Variants in RGS5 observed in about 807,000 individuals in gnomAD.
The protein encoded by RGS5 is regulator of G-protein signalling 5.
A neutral mutation model predicts 18.9 loss-of-function variants in RGS5; 20 were observed. That is an observed-to-expected ratio of 1.06 (90% CI 0.74 to 1.54). The LOEUF (loss-of-function observed/expected upper bound fraction) is 1.54, where lower values mean the gene tolerates loss of function less well. RGS5 is among the 40% of genes most tolerant of loss of function. The probability of loss-of-function intolerance (pLI) is 0.00; values close to 1 mark genes in which losing one functional copy is unlikely to be tolerated. For missense variants in RGS5, 201 were observed against 211.8 expected, an observed-to-expected ratio of 0.95 and a Z score of 0.32; for synonymous variants, 57 against 76.2, an observed-to-expected ratio of 0.75 and a Z score of 1.31.
At chr1:163,214,721 ATTTCTT>A (rs1433924703) in intron 1 of RGS5, among the ~76,000 whole-genome samples, 2 of 151,716 alleles carry the variant, frequency 1.3e-5, no homozygotes, top group Admixed American at 1.3e-4. Flanking sequence ...TACTATTCAC[ATTTCTT>A]TTTCTTTAAT....
intron 2 of RGS5, among the ~76,000 whole-genome samples, chr1:163,281,434 T>A (rs951210823): frequency 1.8e-4 from 27 of 152,214 alleles, no homozygotes; most frequent in African/African-American, 6.0e-4. Context: ...AGGAGCTGCA[T>A]ATCACATAGC....
At chr1:163,240,090 T>C (rs1433907141) in intron 2 of RGS5, among the ~76,000 whole-genome samples, 1 of 151,908 alleles carries the variant, frequency 6.6e-6, no homozygotes, top group Non-Finnish European at 1.5e-5. Flanking sequence ...ACACCTGCCC[T>C]ATGCCTCAGC....
In RGS5 at chr1:163,320,979, C is replaced by T. The variant is rs576321375; in HGVS notation, c.-378+643G>A. Among the ~76,000 whole-genome samples the T allele has an allele frequency of 3.9e-5, 6 of 152,300 alleles. No individual in the cohort carries two copies. In the East Asian group the frequency reaches 9.7e-4, roughly 25 times the overall value. On this transcript the variant is annotated intron_variant, in intron 1 of 5. Coordinates refer to the RGS5 transcript ENST00000618415. ...CTGTGACCAGATACAAGTCCTATTA[C>T]GTCTTCTCCTGTCCCAAACCTCAAT...
intron 2 of RGS5, among the ~76,000 whole-genome samples, chr1:163,265,744 T>A (rs537436309): frequency 6.6e-6 from 1 of 152,102 alleles, no homozygotes; most frequent in Admixed American, 6.6e-5. Context: ...AGTTCACTTA[T>A]CCTCACTCTT....
Position 163,272,203 on chromosome 1 carries a change from TTCATA to T in RGS5, c.-281+34025_-281+34029del, listed in dbSNP as rs1237055181. Among the ~76,000 whole-genome samples, 3 of 152,222 alleles carry T rather than the reference TTCATA, an allele frequency of 2.0e-5. No individual in the cohort carries two copies. In the East Asian group the frequency reaches 5.8e-4, roughly 29 times the overall value. On this transcript the variant is annotated intron_variant, in intron 2 of 5. Coordinates refer to the RGS5 transcript ENST00000618415. ...ACTAATAATGAGGATTACATTTTCTTTCATATATCTTTTTTGGTAAAATGTCTATG... is the reference window on the plus strand; with the variant it reads ...ACTAATAATGAGGATTACATTTTCTTTATCTTTTTTGGTAAAATGTCTATG...
chr1:163,239,822 G>A (rs113742071), intron 2 of RGS5, among the ~76,000 whole-genome samples: 6 of 94,474 alleles, frequency 6.4e-5, no homozygotes, highest in Admixed American at 2.9e-4. Flanking sequence ...CTATGTAGAC[G>A]TTTTTTAAAA....
intron 1 of RGS5, among the ~76,000 whole-genome samples, chr1:163,187,682 G>C (rs1036013198): frequency 6.6e-6 from 1 of 152,040 alleles, no homozygotes; most frequent in African/African-American, 2.4e-5. Flanking sequence ...TAGGAACTCC[G>C]CACCCCCTCC....
rs1364020710 is a variant in RGS5 at position 163,146,658 on chromosome 1, G to A, written c.*684C>T. 2.0e-5 allele frequency: 3 copies of A among 152,166 alleles called. No individual in the cohort carries two copies. The highest frequency in any genetic ancestry group is 6.5e-5 in the Admixed American group (1 of 15,276). The allele number at this position is 152,166 out of a possible 1,614,324, so 9.4% of individuals were successfully genotyped here. A position where few individuals can be genotyped will look rare whatever the true frequency, so the allele number is the denominator to read the frequency against. ...AGAATTTGGTGACTATGGGCAGGTGGAGGGGGCCAGTGAGGAAGGTATAAA... is the reference window on the plus strand; with the variant it reads ...AGAATTTGGTGACTATGGGCAGGTGAAGGGGGCCAGTGAGGAAGGTATAAA... On this transcript the variant is annotated 3_prime_UTR_variant, in exon 5 of 5. Transcript: ENST00000313961.
intron 2 of RGS5, among the ~76,000 whole-genome samples, chr1:163,269,429 G>C (rs1221201342): frequency 1.3e-5 from 2 of 152,114 alleles, no homozygotes; most frequent in Non-Finnish European, 2.9e-5. Context: ...GGCCAGAGGG[G>C]TTTAAGAGAA....
At chr1:163,258,884 G>A (rs760168443) in intron 2 of RGS5, among the ~76,000 whole-genome samples, 1 of 151,958 alleles carries the variant, frequency 6.6e-6, no homozygotes, top group Admixed American at 6.6e-5. Flanking sequence ...ATTATGTTGC[G>A]CAGGCTGGTC....
At chr1:163,251,079 AG>A (rs1648094498) in intron 2 of RGS5, among the ~76,000 whole-genome samples, 2 of 152,174 alleles carry the variant, frequency 1.3e-5, no homozygotes, top group African/African-American at 4.8e-5. Flanking sequence ...TCAACCCCGA[AG>A]GTTATCTAGT....
chr1:163,142,380 G>A lies in RGS5; in HGVS notation c.*4962C>T, dbSNP rs1656956577. On this transcript the variant is annotated 3_prime_UTR_variant, in exon 5 of 5. Transcript: ENST00000313961. ...TATTTGGTGCTTTATTTATCCAGAA[G>A]CATGAGTCACATAGTACATAAAGTA... 6.6e-6 allele frequency: 1 copy of A among 152,040 alleles called. No individual in the cohort carries two copies. Among genetic ancestry groups the A allele is most frequent in the African/African-American group, 2.4e-5 (1 of 41,376 alleles). 9.4% of individuals were successfully genotyped at this position (152,040 alleles called of 1,614,324 possible).
intron 2 of RGS5, among the ~76,000 whole-genome samples, chr1:163,299,731 T>C (rs1033907336): frequency 3.1e-4 from 47 of 152,140 alleles, no homozygotes; most frequent in African/African-American, 1.1e-3. Context: ...TTCTGAGAAA[T>C]AATAGTTTAA....
intron 1 of RGS5, among the ~76,000 whole-genome samples, chr1:163,169,341 A>T (rs1658199764): frequency 6.6e-6 from 1 of 152,144 alleles, no homozygotes; most frequent in African/African-American, 2.4e-5. Context: ...ATGTGTCTTT[A>T]TAGCAGCATG....
intron 2 of RGS5, among the ~76,000 whole-genome samples, chr1:163,166,803 G>A (rs1311641863): frequency 6.6e-6 from 1 of 152,190 alleles, no homozygotes; most frequent in Non-Finnish European, 1.5e-5. Flanking sequence ...AACAGTTTAA[G>A]GGTCTATGTG....
intron 3 of RGS5, among the ~76,000 whole-genome samples, chr1:163,157,434 T>A (rs940492054): frequency 1.3e-5 from 2 of 152,178 alleles, no homozygotes; most frequent in African/African-American, 4.8e-5. Flanking sequence ...AAAATTATTT[T>A]AAAAATGAAG....
At chr1:163,264,452 G>A (rs1648527201) in intron 2 of RGS5, among the ~76,000 whole-genome samples, 1 of 152,076 alleles carries the variant, frequency 6.6e-6, no homozygotes. Flanking sequence ...TTGAATAAAA[G>A]CTCTTTTGTT....
intron 2 of RGS5, among the ~76,000 whole-genome samples, chr1:163,303,777 A>G (rs1649626384): frequency 6.6e-6 from 1 of 152,158 alleles, no homozygotes; most frequent in Non-Finnish European, 1.5e-5. Context: ...CCTGAGCTCC[A>G]TCTCCCATGA....
chr1:163,258,710 T>G (rs901398435), intron 2 of RGS5, among the ~76,000 whole-genome samples: 1 of 152,012 alleles, frequency 6.6e-6, no homozygotes, highest in Non-Finnish European at 1.5e-5. Flanking sequence ...CTCTGTTGCC[T>G]AGGGTGGAGT....
Sources: gnomAD v4.1 joint callset for allele counts (sites outside exome capture counted in the v4.1 genomes callset) on GRCh38, gnomAD v4.1.1 for gene constraint, MANE v1.5 for transcripts, NCBI Gene and HGNC (gene_info 2026-07-23, HGNC 2026-07-21) for gene names.